Variants in KLHDC8A observed in about 807,000 individuals in gnomAD.
The protein encoded by KLHDC8A is kelch domain containing 8A.
KLHDC8A carries 21 observed loss-of-function variants against 33.1 expected under a neutral mutation model. The ratio of observed to expected loss-of-function variants is 0.64; its 90% confidence interval spans 0.45 to 0.91. The LOEUF (loss-of-function observed/expected upper bound fraction) is 0.91. Ranked by LOEUF, KLHDC8A falls within the 40% of genes least tolerant of loss-of-function variation. The pLI is 0.00. For missense variants in KLHDC8A, 435 were observed against 483.3 expected (o/e 0.90, Z 0.94); for synonymous variants, 173 against 193.5 (o/e 0.89, Z 0.88).
chr1:205,352,742 T>G (rs547841549), intron 1 of KLHDC8A, among the ~76,000 whole-genome samples: 1 of 152,206 alleles, frequency 6.6e-6, no homozygotes, highest in African/African-American at 2.4e-5. Flanking sequence ...CAGGTGGGTG[T>G]GTACCTGAGG....
chr1:205,356,080 C>T (rs1277472581), intron 1 of KLHDC8A, among the ~76,000 whole-genome samples: 4 of 150,822 alleles, frequency 2.7e-5, no homozygotes, highest in Non-Finnish European at 5.9e-5. Context: ...AGCCCTTGTC[C>T]CCCTCCCCCC....
intron 2 of KLHDC8A, among the ~76,000 whole-genome samples, chr1:205,340,782 G>A (rs1662769587): frequency 6.6e-6 from 1 of 152,194 alleles, no homozygotes; most frequent in South Asian, 2.1e-4. Context: ...GCTTCAATGA[G>A]TAGAGATATT....
At chr1:205,350,187 C>T (rs1402203085) in intron 1 of KLHDC8A, among the ~76,000 whole-genome samples, 1 of 151,846 alleles carries the variant, frequency 6.6e-6, no homozygotes, top group Non-Finnish European at 1.5e-5. Flanking sequence ...CAGGGCTTCC[C>T]CTGGCTACCC....
intron 1 of KLHDC8A, among the ~76,000 whole-genome samples, chr1:205,353,088 T>G (rs1663163707): frequency 6.6e-6 from 1 of 152,230 alleles, no homozygotes; most frequent in South Asian, 2.1e-4. Context: ...AATTATGTTC[T>G]GAGAGATTCC....
rs1210983433 is a variant in KLHDC8A, at chr1:205,343,513, C to T, written c.92G>A (p.Gly31Asp). ...ACATCCCCCGATGGCATAGACCTGG[C>T]CCCCGGTCTCCAGCAGGGAGCAGTA... ...RVYCSLLETG[G>D]QVYAIGGCDD... Residue 31 changes from glycine to aspartate, a missense_variant, in exon 2 of 6, where the codon GGC (glycine) becomes GAC (aspartate). Physicochemically the swap from Gly to Asp is moderately conservative, Grantham distance 94. Coordinates refer to ENST00000367155, the MANE Select transcript of KLHDC8A (RefSeq NM_018203.3). 2 of 1,612,950 alleles carry T rather than the reference C, an allele frequency of 1.2e-6. No homozygotes were observed. Among genetic ancestry groups the T allele is most frequent in the East Asian group, 2.2e-5 (1 of 44,856 alleles).
At chr1:205,344,793 T>C (rs4951200) in intron 1 of KLHDC8A, among the ~76,000 whole-genome samples, 143,728 of 152,148 alleles carry the variant, frequency 0.94, 68,138 homozygotes, top group East Asian at 1. Flanking sequence ...GCCGCCGCCC[T>C]CGAAATAGAC....
At chr1:205,343,128 A>C in intron 2 of KLHDC8A, 101 bp downstream of exon 2, 1 of 1,474,998 alleles carries the variant, frequency 6.8e-7, no homozygotes, top group African/African-American at 1.4e-5. Flanking sequence ...TATGGCACTA[A>C]ACTCCACAGC....
At chr1:205,342,785 G>A (rs1159635125) in intron 2 of KLHDC8A, among the ~76,000 whole-genome samples, 1 of 152,176 alleles carries the variant, frequency 6.6e-6, no homozygotes, top group Non-Finnish European at 1.5e-5. Context: ...AGGAAAATGA[G>A]AATCACAAAA....
rs1306143842 is a variant in KLHDC8A, at chr1:205,356,858, G to C, written c.-515C>G. The C allele has an allele frequency of 2.3e-5, 6 of 257,728 alleles. No individual in the cohort carries two copies. Among genetic ancestry groups the C allele is most frequent in the South Asian group, 2.0e-4 (5 of 25,500 alleles). 16.0% of individuals were successfully genotyped at this position (257,728 alleles called of 1,614,324 possible). On this transcript the variant is annotated 5_prime_UTR_variant, in exon 1 of 6. Transcript: ENST00000367155. ...CTACTGAGAGGGCCTCAGCCAGCTC[G>C]TCAGAGCCCCAGTGTCTCCGCGCCT...
rs1663284171 is a variant in KLHDC8A, at chr1:205,356,636, C to A, written c.-293G>T. Reference sequence around the variant, plus strand: ...GCGGGTGTTGGCTCTGAGGCTTGTCCTAGGAGCTGGCTGGGAATAGAGTCG... The same window carrying A: ...GCGGGTGTTGGCTCTGAGGCTTGTCATAGGAGCTGGCTGGGAATAGAGTCG... On this transcript the variant is annotated 5_prime_UTR_variant, in exon 1 of 6. The change creates a new upstream start codon in the 5' untranslated region. Coordinates refer to ENST00000367155, the MANE Select transcript of KLHDC8A (RefSeq NM_018203.3). 2.2e-6 allele frequency: 1 copy of A among 455,004 alleles called. No individual in the cohort carries two copies. The highest frequency in any genetic ancestry group is 2.0e-5 in the African/African-American group (1 of 50,052). 28.2% of individuals were successfully genotyped at this position (455,004 alleles called of 1,614,324 possible). A position where few individuals can be genotyped will look rare whatever the true frequency, so the allele number is the denominator to read the frequency against.
intron 2 of KLHDC8A, among the ~76,000 whole-genome samples, chr1:205,341,121 C>G (rs186172959): frequency 6.6e-6 from 1 of 152,174 alleles, no homozygotes. Context: ...CTCTACTACT[C>G]TTGACTGTAG....
rs757491377 is a variant in KLHDC8A, at chr1:205,339,364, T to A, written c.587A>T (p.Asp196Val). The change falls in exon 4 of 6, where the codon GAC becomes GTC. Residue 196 changes from aspartate (D) to valine (V), a missense_variant. By Grantham distance (152) the Asp-to-Val change is radical. Coordinates refer to ENST00000367155, the MANE Select transcript of KLHDC8A (RefSeq NM_018203.3). The surrounding 1 kb of genome is among the most constrained non-coding windows in gnomAD (Gnocchi z 5.1). ...KYAVNAFEVF[D>V]IETRSWTKFP... is the part of the protein sequence containing the mutation. ...CTTGGTCCAGGAGCGAGTCTCGATG[T>A]CAAAGACCTCGAAAGCGTTGACCGC... 4 of 1,614,186 alleles carry A rather than the reference T, an allele frequency of 2.5e-6. No homozygotes were observed. Among genetic ancestry groups the A allele is most frequent in the Non-Finnish European group, 3.4e-6 (4 of 1,180,018 alleles).
intron 1 of KLHDC8A, among the ~76,000 whole-genome samples, chr1:205,344,988 C>A (rs975254109): frequency 6.6e-6 from 1 of 152,148 alleles, no homozygotes; most frequent in Non-Finnish European, 1.5e-5. Flanking sequence ...TCTCCGTCCT[C>A]GGCACCAACT....
chr1:205,353,467 T>C (rs1663176343), intron 1 of KLHDC8A, among the ~76,000 whole-genome samples: 1 of 152,214 alleles, frequency 6.6e-6, no homozygotes, highest in Non-Finnish European at 1.5e-5. Context: ...AGAAAATGCT[T>C]GTGCCCTCCC....
intron 2 of KLHDC8A, among the ~76,000 whole-genome samples, chr1:205,342,542 C>T (rs537796879): frequency 5.0e-4 from 76 of 152,320 alleles, no homozygotes; most frequent in Admixed American, 6.5e-4. Flanking sequence ...CTATAGTAGA[C>T]TTGACATGCA....
rs768279570 is a variant in KLHDC8A at position 205,343,237 on chromosome 1, G to C, written c.368C>G (p.Thr123Arg). ...GCCCTGGCCCCACTTGCCTTTGGCCGTGACAGAAATGCCCATGGCGGCCTC... is the reference window on the plus strand; with the variant it reads ...GCCCTGGCCCCACTTGCCTTTGGCCCTGACAGAAATGCCCATGGCGGCCTC... ...LREAAMGISV[T>R]AKDYRVYAAG... The change falls in exon 2 of 6, where the codon ACG (threonine) becomes AGG (arginine). Residue 123 changes from threonine to arginine, a missense_variant. By Grantham distance (71) the Thr-to-Arg change is moderately conservative (BLOSUM62 -1). Coordinates refer to ENST00000367155, the MANE Select transcript of KLHDC8A (RefSeq NM_018203.3). 6.3e-7 allele frequency: 1 copy of C among 1,586,900 alleles called. No homozygotes were observed. Among genetic ancestry groups the C allele is most frequent in the East Asian group, 2.3e-5 (1 of 44,280 alleles).
chr1:205,339,156 G>T lies in KLHDC8A; in HGVS notation c.757+38C>A. 1 of 1,561,576 alleles carries T rather than the reference G, an allele frequency of 6.4e-7. No homozygotes were observed. The highest frequency in any genetic ancestry group is 8.8e-7 in the Non-Finnish European group (1 of 1,134,922). On this transcript the variant is annotated intron_variant, in intron 4 of 5. Coordinates refer to ENST00000367155, the MANE Select transcript of KLHDC8A (RefSeq NM_018203.3). The surrounding 1 kb of genome is among the most constrained non-coding windows in gnomAD (Gnocchi z 5.1). Reference sequence around the variant, plus strand: ...ATGGGGAGCCAGCCAGAAGGGCAGTGGGCAGCCAGAGCTTCCTGGGGAAGG... The same window carrying T: ...ATGGGGAGCCAGCCAGAAGGGCAGTTGGCAGCCAGAGCTTCCTGGGGAAGG...
intron 1 of KLHDC8A, among the ~76,000 whole-genome samples, chr1:205,347,314 G>A (rs1452750913): frequency 1.3e-5 from 2 of 152,184 alleles, no homozygotes; most frequent in Non-Finnish European, 2.9e-5. Context: ...CTATTCTAGT[G>A]TGTAACCATT....
chr1:205,356,808 C>T lies in KLHDC8A; in HGVS notation c.-465G>A, dbSNP rs767589404. 12 of 291,818 alleles carry T rather than the reference C, an allele frequency of 4.1e-5. No homozygotes were observed. Among genetic ancestry groups the T allele is most frequent in the African/African-American group, 6.7e-5 (3 of 44,962 alleles). The allele number at this position is 291,818 out of a possible 1,614,324, so 18.1% of individuals were successfully genotyped here. A position where few individuals can be genotyped will look rare whatever the true frequency, so the allele number is the denominator to read the frequency against. On this transcript the variant is annotated 5_prime_UTR_variant, in exon 1 of 6. Coordinates refer to ENST00000367155, the MANE Select transcript of KLHDC8A (RefSeq NM_018203.3). ...CTGAATGCACAGAAACTTGGGGTCC[C>T]TGAGTTCCAGGAGGCGTGACCCCCC...
Sources: allele counts gnomAD v4.1 joint callset (sites outside exome capture counted in the v4.1 genomes callset), GRCh38; gene constraint gnomAD v4.1.1; non-coding constraint Gnocchi (gnomAD v3.1); transcripts MANE v1.5; gene names NCBI Gene and HGNC (gene_info 2026-07-23, HGNC 2026-07-21).